WDTC1: variants seen among roughly 807,000 people sequenced by gnomAD.
The protein encoded by WDTC1 is WD and tetratricopeptide repeats 1, also known as WD and tetratricopeptide repeats protein 1.
In WDTC1, 12 loss-of-function variants were observed where a neutral mutation model predicts 76.0. That is an observed-to-expected ratio of 0.16 (90% confidence interval 0.10 to 0.26). The LOEUF (loss-of-function observed/expected upper bound fraction) is 0.26. Ranked by LOEUF, WDTC1 falls within the 10% of genes least tolerant of loss-of-function variation. The pLI is 1.00. For synonymous variants in WDTC1, 326 were observed against 350.8 expected, an observed-to-expected ratio of 0.93 and a Z score of 0.79; for missense variants, 511 against 908.8, an observed-to-expected ratio of 0.56 and a Z score of 5.63.
chr1:27,234,753 G>A lies in WDTC1; in HGVS notation c.-298G>A. The A allele has an allele frequency of 5.0e-6, 2 of 399,500 alleles. No homozygotes were observed. The highest frequency in any genetic ancestry group is 8.8e-6 in the Non-Finnish European group (2 of 226,900). 24.7% of individuals were successfully genotyped at this position (399,500 alleles called of 1,614,324 possible). ...TGTGTGAGCGCGGGTGTGAGGCGGT[G>A]CGCAGGGGCGGGCGGAGGCGCTGTC... is the stretch of plus-strand genomic sequence containing the variant. On this transcript the variant is annotated 5_prime_UTR_variant, in exon 1 of 16. Coordinates refer to ENST00000319394, the MANE Select transcript of WDTC1 (RefSeq NM_001276252.2).
intron 3 of WDTC1, among the ~76,000 whole-genome samples, chr1:27,268,398 TTTTG>T (rs67813470): frequency 0.97 from 146,149 of 150,502 alleles, 71,109 homozygotes; most frequent in East Asian, 1. Flanking sequence ...TTTTTTAGGG[TTTTG>T]TTTGTTTGTT....
chr1:27,237,886 G>GA (rs1164082031), intron 1 of WDTC1, among the ~76,000 whole-genome samples: 8 of 148,890 alleles, frequency 5.4e-5, no homozygotes, highest in Non-Finnish European at 1.0e-4. Context: ...GAAAAGAAAA[G>GA]AAAAAAAAGA....
intron 8 of WDTC1, 140 bp from the exon 9 acceptor site, chr1:27,294,374 C>T: frequency 1.3e-6 from 1 of 751,386 alleles, no homozygotes; most frequent in African/African-American, 1.8e-5. Flanking sequence ...TAGCCCAGTG[C>T]ATATAGTAAG....
In WDTC1 at chr1:27,306,613, G is replaced by A; in HGVS notation, c.*230G>A. ...CCAGCCCTGAAAAAAAGAGCAGGAG[G>A]GGACACCCCTCCATATGCCCCCCCC... On this transcript the variant is annotated 3_prime_UTR_variant, in exon 16 of 16. Transcript: ENST00000319394. The surrounding 1 kb of genome is among the most constrained non-coding windows in gnomAD (Gnocchi z 5.0). The A allele has an allele frequency of 1.7e-6, 1 of 593,660 alleles. No individual in the cohort carries two copies. 36.8% of individuals were successfully genotyped at this position (593,660 alleles called of 1,614,324 possible). A position where few individuals can be genotyped will look rare whatever the true frequency, so the allele number is the denominator to read the frequency against.
chr1:27,289,955 G>A (rs997795294), intron 6 of WDTC1, among the ~76,000 whole-genome samples: 2 of 151,382 alleles, frequency 1.3e-5, no homozygotes, highest in African/African-American at 2.4e-5. Flanking sequence ...GCTTCGGCTC[G>A]GCATCAGAGA....
Position 27,306,356 on chromosome 1 carries a change from G to A in WDTC1, c.2007G>A (p.Glu669=). 1 of 1,613,338 alleles carries A rather than the reference G, an allele frequency of 6.2e-7. No homozygotes were observed. ...AGASDDEDSS[E]GQVQCRPS is the part of the protein sequence containing the mutation. Reference sequence around the variant, plus strand: ...CCTCTGATGATGAGGACAGCTCTGAGGGCCAGGTGCAGTGCCGGCCCAGCT... The same window carrying A: ...CCTCTGATGATGAGGACAGCTCTGAAGGCCAGGTGCAGTGCCGGCCCAGCT... Residue 669 remains glutamate, a synonymous_variant, in exon 16 of 16, where the codon GAG becomes GAA. Coordinates refer to ENST00000319394, the MANE Select transcript of WDTC1 (RefSeq NM_001276252.2). This position sits in a 1 kb window ranked among gnomAD's most constrained non-coding sequence, Gnocchi z 5.0.
At chr1:27,237,631 C>T (rs2011517362) in intron 1 of WDTC1, among the ~76,000 whole-genome samples, 3 of 151,978 alleles carry the variant, frequency 2.0e-5, no homozygotes, top group Admixed American at 6.6e-5. Flanking sequence ...GGGCAGATCA[C>T]GAGGTCAGGA....
At chr1:27,247,215 C>A (rs1451505325) in intron 1 of WDTC1, among the ~76,000 whole-genome samples, 1 of 151,858 alleles carries the variant, frequency 6.6e-6, no homozygotes, top group East Asian at 1.9e-4. Flanking sequence ...TGCCACCACG[C>A]CTGGCTAATT....
intron 1 of WDTC1, among the ~76,000 whole-genome samples, chr1:27,250,639 TTTTCTC>T (rs1474415364): frequency 1.3e-5 from 2 of 152,214 alleles, no homozygotes; most frequent in East Asian, 3.9e-4. Context: ...TATTATATGT[TTTTCTC>T]TTTCTGCTGC....
At chr1:27,253,411 T>C (rs866837895) in intron 1 of WDTC1, among the ~76,000 whole-genome samples, 15 of 40,088 alleles carry the variant, frequency 3.7e-4, no homozygotes, top group Non-Finnish European at 6.6e-4. Flanking sequence ...CCCCCTCCCC[T>C]CCTCCTCCTC....
upstream of WDTC1, chr1:27,234,467 A>G: frequency 7.3e-6 from 2 of 274,178 alleles, no homozygotes; most frequent in South Asian, 1.7e-4. Context: ...CCCCACTAGC[A>G]GGTTAGTGGG....
intron 1 of WDTC1, among the ~76,000 whole-genome samples, chr1:27,253,870 G>A (rs1046710636): frequency 1.3e-5 from 2 of 152,072 alleles, no homozygotes; most frequent in African/African-American, 4.8e-5. Flanking sequence ...TCTCATTCAT[G>A]TCATTTTATA....
intron 9 of WDTC1, among the ~76,000 whole-genome samples, chr1:27,295,247 G>T (rs1451891481): frequency 6.6e-6 from 1 of 152,182 alleles, no homozygotes; most frequent in African/African-American, 2.4e-5. Flanking sequence ...AGGCTGATGG[G>T]AGACATGACA....
chr1:27,238,989 C>T (rs1039415273), intron 1 of WDTC1, among the ~76,000 whole-genome samples: 5 of 136,302 alleles, frequency 3.7e-5, no homozygotes, highest in African/African-American at 1.1e-4. Flanking sequence ...CATGAGCCAC[C>T]GCTCCTGGCT....
Position 27,305,340 on chromosome 1 carries a change from C to T in WDTC1, c.1836+147C>T, listed in dbSNP as rs539695401. 1 of 1,017,818 alleles carries T rather than the reference C, an allele frequency of 9.8e-7. No individual in the cohort carries two copies. The highest frequency in any genetic ancestry group is 2.7e-5 in the East Asian group (1 of 37,354). The allele number at this position is 1,017,818 out of a possible 1,614,324, so 63.0% of individuals were successfully genotyped here. A position where few individuals can be genotyped will look rare whatever the true frequency, so the allele number is the denominator to read the frequency against. ...ACCCCGGGGCCCAAGGCTGTGTTCT[C>T]AGATTCCAGAAGCTCCAAATGCAGC... On this transcript the variant is annotated intron_variant, in intron 15 of 15. Transcript: ENST00000319394. The surrounding 1 kb of genome is among the most constrained non-coding windows in gnomAD (Gnocchi z 4.6).
rs2013821997 is a variant in WDTC1, at chr1:27,301,126, T to C, written c.1233-100T>C. ...GTCCCCTTGCCATGAGATCTGTCAG[T>C]GGTGGGCTGGGGTGGCCACAGGAAG... On this transcript the variant is annotated intron_variant, in intron 12 of 15. Transcript: ENST00000319394. The surrounding 1 kb of genome is among the most constrained non-coding windows in gnomAD (Gnocchi z 5.8). 3.0e-6 allele frequency: 3 copies of C among 1,000,914 alleles called. No individual in the cohort carries two copies. Among genetic ancestry groups the C allele is most frequent in the Admixed American group, 4.1e-5 (2 of 49,250 alleles). 62.0% of individuals were successfully genotyped at this position (1,000,914 alleles called of 1,614,324 possible).
At chr1:27,257,502 C>T (rs4460661) in intron 1 of WDTC1, among the ~76,000 whole-genome samples, 120,569 of 152,094 alleles carry the variant, frequency 0.79, 48,629 homozygotes, top group Middle Eastern at 0.89. Context: ...GGGGAAATTA[C>T]TGTTGTTGTT....
chr1:27,240,668 C>T (rs1341026165), intron 1 of WDTC1, among the ~76,000 whole-genome samples: 1 of 152,030 alleles, frequency 6.6e-6, no homozygotes, highest in African/African-American at 2.4e-5. Flanking sequence ...GCATTGAAGA[C>T]TAATACCTTA....
Position 27,283,041 on chromosome 1 carries a change from G to A in WDTC1, c.180-297G>A, listed in dbSNP as rs2013233830. On this transcript the variant is annotated intron_variant, in intron 4 of 15. Coordinates refer to ENST00000319394, the MANE Select transcript of WDTC1 (RefSeq NM_001276252.2). ...TAGTCCCAGCTACTCAGGAGGCTGA[G>A]GCAGGAGAATGGCGTGAACCTGGGA... 2.0e-5 allele frequency among the ~76,000 whole-genome samples: 3 copies of A among 151,818 alleles called. No individual in the cohort carries two copies. In the South Asian group the frequency reaches 6.3e-4, roughly 32 times the overall value.
Sources: gnomAD v4.1 joint callset for allele counts (sites outside exome capture counted in the v4.1 genomes callset) on GRCh38, gnomAD v4.1.1 for gene constraint, Gnocchi (gnomAD v3.1) non-coding constraint, MANE v1.5 for transcripts, NCBI Gene and HGNC (gene_info 2026-07-23, HGNC 2026-07-21) for gene names.